Variants in SYT16 observed in about 807,000 individuals in gnomAD.
SYT16 encodes the protein synaptotagmin-16.
SYT16 carries 42 observed loss-of-function variants against 61.4 expected under a neutral mutation model. That is an observed-to-expected ratio of 0.68 (90% CI 0.53 to 0.89). The LOEUF is 0.89. SYT16 is among the 40% of genes least tolerant of loss of function. The pLI is 0.00. For synonymous variants in SYT16, 314 were observed against 302.3 expected, an observed-to-expected ratio of 1.04 and a Z score of -0.40; for missense variants, 804 against 807.3, an observed-to-expected ratio of 1.00 and a Z score of 0.05.
chr14:62,025,974 T>C (rs2054088053), intron 3 of SYT16, among the ~76,000 whole-genome samples: 2 of 152,210 alleles, frequency 1.3e-5, no homozygotes, highest in Non-Finnish European at 2.9e-5. Flanking sequence ...TCTTGAATTC[T>C]TGAGGTAAAC....
At chr14:61,961,022 A>G (rs1474820520) in intron 1 of SYT16, among the ~76,000 whole-genome samples, 2 of 152,202 alleles carry the variant, frequency 1.3e-5, no homozygotes, top group African/African-American at 2.4e-5. Context: ...TGAGGAAAAG[A>G]CTGCCTATTC....
chr14:61,864,771 G>A (rs1402429127), intron 1 of SYT16: 9 of 943,898 alleles, frequency 9.5e-6, no homozygotes, highest in Non-Finnish European at 1.5e-5. Flanking sequence ...GTGGCTGGCC[G>A]GTTGGGCCCT....
chr14:61,989,905 T>C (rs1188228626), intron 2 of SYT16, among the ~76,000 whole-genome samples: 1 of 152,236 alleles, frequency 6.6e-6, no homozygotes, highest in Non-Finnish European at 1.5e-5. Flanking sequence ...AAAAGGCCTG[T>C]TGGATTGCTC....
chr14:61,926,552 G>C (rs1005205603), intron 1 of SYT16, among the ~76,000 whole-genome samples: 1 of 152,146 alleles, frequency 6.6e-6, no homozygotes, highest in Non-Finnish European at 1.5e-5. Flanking sequence ...ATTAAGGTCA[G>C]TTGGAAGGAC....
At chr14:62,078,810 T>C (rs78267456) in intron 5 of SYT16, among the ~76,000 whole-genome samples, 1 of 152,292 alleles carries the variant, frequency 6.6e-6, no homozygotes, top group South Asian at 2.1e-4. Flanking sequence ...GAGAGACCAA[T>C]GATAAGAAAT....
intron 1 of SYT16, among the ~76,000 whole-genome samples, chr14:61,886,906 T>C (rs868512919): frequency 0.022 from 3,137 of 144,222 alleles, 128 homozygotes; most frequent in African/African-American, 0.079. Flanking sequence ...GTCTTTTTTT[T>C]TTTTTCCTTT....
chr14:61,832,181 C>T (rs1182493446), intron 1 of SYT16: 1 of 665,912 alleles, frequency 1.5e-6, no homozygotes, highest in East Asian at 3.2e-5. Flanking sequence ...TCTCCTTCTT[C>T]TTCACGGCTT....
intron 1 of SYT16, among the ~76,000 whole-genome samples, chr14:61,834,775 A>C (rs2046072091): frequency 6.6e-6 from 1 of 152,136 alleles, no homozygotes; most frequent in African/African-American, 2.4e-5. Flanking sequence ...CCATCCATCT[A>C]TCCAGTTGTA....
At chr14:61,922,831 C>T (rs2049385315) in intron 1 of SYT16, among the ~76,000 whole-genome samples, 1 of 152,154 alleles carries the variant, frequency 6.6e-6, no homozygotes, top group Non-Finnish European at 1.5e-5. Flanking sequence ...AGGCCGATCA[C>T]AAGGTCAGGA....
rs374762236 is a variant in SYT16 at position 61,893,997 on chromosome 14, AG to A, written c.-324-76133del. ...TTCTACCCCACAGCTCAGGAAAAAA[AG>A]GCCTGGCTGGCATGGTGGCTCATGC... is the stretch of plus-strand genomic sequence containing the variant. On this transcript the variant is annotated intron_variant, in intron 1 of 7. Coordinates refer to ENST00000683842, the MANE Select transcript of SYT16 (RefSeq NM_001367656.1). Among the ~76,000 whole-genome samples, 325 of 152,308 alleles carry A rather than the reference AG, an allele frequency of 2.1e-3. 2 individuals are homozygous for A. The highest frequency in any genetic ancestry group is 7.5e-3 in the African/African-American group (313 of 41,578).
At chr14:61,862,704 C>T (rs1483926370) in intron 1 of SYT16, among the ~76,000 whole-genome samples, 1 of 152,182 alleles carries the variant, frequency 6.6e-6, no homozygotes, top group Non-Finnish European at 1.5e-5. Flanking sequence ...TGTATAGTGA[C>T]ATGTATTCAT....
At chr14:62,042,547 G>A (rs1056667763) in intron 3 of SYT16, among the ~76,000 whole-genome samples, 4 of 152,148 alleles carry the variant, frequency 2.6e-5, no homozygotes, top group Non-Finnish European at 5.9e-5. Flanking sequence ...TAATAATGAG[G>A]TTTCCATTCT....
Position 61,996,668 on chromosome 14 carries a change from G to A in SYT16, c.523+126G>A, listed in dbSNP as rs183703376. On this transcript the variant is annotated intron_variant, in intron 3 of 7. Coordinates refer to ENST00000683842, the MANE Select transcript of SYT16 (RefSeq NM_001367656.1). ...TCTCTCTTATACCTTCCCACATACT[G>A]GCTTCTGATTGAGAGATATAATCCT... The A allele has an allele frequency of 4.2e-3, 4,961 of 1,170,040 alleles. 15 individuals are homozygous for A. Among genetic ancestry groups the A allele is most frequent in the Non-Finnish European group, 5.2e-3 (4,375 of 848,472 alleles). The allele number at this position is 1,170,040 out of a possible 1,614,324, so 72.5% of individuals were successfully genotyped here. A position where few individuals can be genotyped will look rare whatever the true frequency, so the allele number is the denominator to read the frequency against.
At chr14:61,861,962 C>A (rs1227879324) in intron 1 of SYT16, among the ~76,000 whole-genome samples, 3 of 152,182 alleles carry the variant, frequency 2.0e-5, no homozygotes, top group Admixed American at 6.5e-5. Flanking sequence ...TGAGCACATA[C>A]TTTGGAAAAA....
At chr14:61,929,070 A>G (rs1464632104) in intron 1 of SYT16, among the ~76,000 whole-genome samples, 2 of 152,208 alleles carry the variant, frequency 1.3e-5, no homozygotes, top group African/African-American at 4.8e-5. Flanking sequence ...GCACTGGCTT[A>G]GTTCAGTTTT....
chr14:62,061,444 A>G (rs2055820664), intron 3 of SYT16, among the ~76,000 whole-genome samples: 1 of 152,182 alleles, frequency 6.6e-6, no homozygotes, highest in Non-Finnish European at 1.5e-5. Context: ...CTCACTTGAA[A>G]GTACAGATTG....
intron 1 of SYT16, among the ~76,000 whole-genome samples, chr14:61,944,396 A>T (rs988816893): frequency 2.0e-5 from 3 of 152,194 alleles, no homozygotes; most frequent in Admixed American, 1.3e-4. Context: ...TAAACTTCAT[A>T]TGGAACCAAA....
intron 1 of SYT16, among the ~76,000 whole-genome samples, chr14:61,936,137 T>A (rs1426850565): frequency 1.3e-5 from 2 of 152,222 alleles, no homozygotes; most frequent in African/African-American, 2.4e-5. Flanking sequence ...TCCCATCTGT[T>A]TGATTGGAAA....
chr14:61,822,114 T>G (rs1316246188), intron 1 of SYT16, among the ~76,000 whole-genome samples: 1 of 152,080 alleles, frequency 6.6e-6, no homozygotes, highest in African/African-American at 2.4e-5. Context: ...TCAGTCCAAT[T>G]CCGAAAGCCT....
Sources: gnomAD v4.1 joint callset for allele counts (sites outside exome capture counted in the v4.1 genomes callset) on GRCh38, gnomAD v4.1.1 for gene constraint, MANE v1.5 for transcripts, NCBI Gene and HGNC (gene_info 2026-07-23, HGNC 2026-07-21) for gene names.